Variants in MAP2K5 observed in about 807,000 individuals in gnomAD.
MAP2K5 encodes the protein dual specificity mitogen-activated protein kinase kinase 5.
In MAP2K5, 49 loss-of-function variants were observed where a neutral mutation model predicts 83.1. The observed-to-expected ratio is 0.59, with a 90% CI of 0.47 to 0.75. The LOEUF (loss-of-function observed/expected upper bound fraction) is 0.75, where lower values mean the gene tolerates loss of function less well. Among genes scored for constraint, MAP2K5 ranks in the 30% least tolerant of loss-of-function variants. The pLI is 0.00. For synonymous variants in MAP2K5, 202 were observed against 191.8 expected (o/e 1.05, Z -0.44); for missense variants, 457 against 557.5 (o/e 0.82, Z 1.82).
rs2089872479 is a variant in MAP2K5, at chr15:67,757,912, AGAG to A, written c.1134+9315_1134+9317del. The stretch of plus-strand genomic sequence containing the variant: ...GGCTACCAGGGAAGCTCTGCAGAGG[AGAG>A]GAGACTGAAGGATAGCCAATAAGAG... On this transcript the variant is annotated intron_variant, in intron 19 of 21. Coordinates refer to ENST00000178640, the MANE Select transcript of MAP2K5 (RefSeq NM_145160.3). The surrounding 1 kb of genome is among the most constrained non-coding windows in gnomAD (Gnocchi z 4.9). 6.6e-6 allele frequency among the ~76,000 whole-genome samples: 1 copy of A among 152,166 alleles called. No homozygotes were observed. Among genetic ancestry groups the A allele is most frequent in the African/African-American group, 2.4e-5 (1 of 41,432 alleles).
rs1195870702 is a variant in MAP2K5, at chr15:67,637,095, C to A, written c.585+6168C>A. 6.6e-6 allele frequency among the ~76,000 whole-genome samples: 1 copy of A among 152,148 alleles called. No homozygotes were observed. The highest frequency in any genetic ancestry group is 6.5e-5 in the Admixed American group (1 of 15,272). On this transcript the variant is annotated intron_variant, in intron 9 of 21. Coordinates refer to ENST00000178640, the MANE Select transcript of MAP2K5 (RefSeq NM_145160.3). This position sits in a 1 kb window ranked among gnomAD's most constrained non-coding sequence, Gnocchi z 4.5. ...ACCTACACCAGTGATTTGCCGGGGG[C>A]TTTCAGGCCTTCAGCTACAGACTGA...
chr15:67,709,657 A>T (rs2141223880), intron 16 of MAP2K5, among the ~76,000 whole-genome samples: 1 of 152,320 alleles, frequency 6.6e-6, no homozygotes, highest in Middle Eastern at 3.4e-3. Context: ...TTAAGGAGAA[A>T]GTCCCACTCT....
intron 21 of MAP2K5, among the ~76,000 whole-genome samples, chr15:67,784,766 C>A (rs550492482): frequency 6.6e-6 from 1 of 152,344 alleles, no homozygotes; most frequent in East Asian, 1.9e-4. Context: ...TGGTCACAAA[C>A]CTTTCTGCCT....
Position 67,774,514 on chromosome 15 carries a change from T to C in MAP2K5, c.1242+1762T>C, listed in dbSNP as rs1259823854. On this transcript the variant is annotated intron_variant, in intron 21 of 21. Transcript: ENST00000178640. The surrounding 1 kb of genome is among the most constrained non-coding windows in gnomAD (Gnocchi z 4.9). ...CAGAGAGTGAGCCCTGCCTGGACTT[T>C]GGGCAAAAGATTGGGCCCAATAGGG... 2.0e-5 allele frequency among the ~76,000 whole-genome samples: 3 copies of C among 152,102 alleles called. No homozygotes were observed. The highest frequency in any genetic ancestry group is 1.5e-5 in the Non-Finnish European group (1 of 68,002).
chr15:67,554,344 C>T (rs1312015095), intron 2 of MAP2K5, among the ~76,000 whole-genome samples: 1 of 152,152 alleles, frequency 6.6e-6, no homozygotes, highest in Non-Finnish European at 1.5e-5. Context: ...CAGGTGTGAG[C>T]CACCGCACCT....
At position 67,760,589 on chromosome 15, in the gene MAP2K5, A is replaced by AT. The variant is rs2089930513; in HGVS notation, c.1135-9007dup. ...TAGTAAGTCAATTAGATTTGTGGGG[A>AT]TTTTTTAACCAGGAAAAATTCTGCA... is the stretch of plus-strand genomic sequence containing the variant. On this transcript the variant is annotated intron_variant, in intron 19 of 21. Transcript: ENST00000178640. The surrounding 1 kb of genome is among the most constrained non-coding windows in gnomAD (Gnocchi z 4.1). Among the ~76,000 whole-genome samples the AT allele has an allele frequency of 6.6e-6, 1 of 152,236 alleles. No individual in the cohort carries two copies. The highest frequency in any genetic ancestry group is 2.1e-4 in the South Asian group (1 of 4,824).
chr15:67,585,355 C>G (rs2085267164), intron 4 of MAP2K5, among the ~76,000 whole-genome samples: 1 of 152,092 alleles, frequency 6.6e-6, no homozygotes, highest in South Asian at 2.1e-4. Context: ...TCAAGATTTG[C>G]AAGAAATGTA....
intron 4 of MAP2K5, 83 bp downstream of exon 4, chr15:67,580,906 C>T (rs2085167022): frequency 5.5e-6 from 5 of 901,610 alleles, no homozygotes; most frequent in Non-Finnish European, 9.2e-6. Flanking sequence ...GGTTTAAATG[C>T]ACATAACATG....
At chr15:67,662,371 C>T (rs925420482) in intron 12 of MAP2K5, among the ~76,000 whole-genome samples, 5 of 152,100 alleles carry the variant, frequency 3.3e-5, no homozygotes, top group Admixed American at 6.6e-5. Flanking sequence ...GATATGTAAA[C>T]GACTCATTTA....
chr15:67,690,829 C>T lies in MAP2K5; in HGVS notation c.848-1650C>T, dbSNP rs1037984012. Among the ~76,000 whole-genome samples the T allele has an allele frequency of 3.3e-5, 5 of 152,000 alleles. No homozygotes were observed. Among genetic ancestry groups the T allele is most frequent in the African/African-American group, 7.3e-5 (3 of 41,358 alleles). On this transcript the variant is annotated intron_variant, in intron 13 of 21. Transcript: ENST00000178640. The surrounding 1 kb of genome is among the most constrained non-coding windows in gnomAD (Gnocchi z 4.3). ...GATTACATGCGTGAGCCACTGCTCC[C>T]GGCCATGTATTAGTAAATTTAATGT...
rs1177945699 is a variant in MAP2K5, at chr15:67,636,008, T to C, written c.585+5081T>C. On this transcript the variant is annotated intron_variant, in intron 9 of 21. Coordinates refer to ENST00000178640, the MANE Select transcript of MAP2K5 (RefSeq NM_145160.3). The surrounding 1 kb of genome is among the most constrained non-coding windows in gnomAD (Gnocchi z 4.7). ...AAATAAAGATGGGGTTTTGCCACAT[T>C]GTCCAGGCTTGTCTTGAATTCATGG... 6.6e-6 allele frequency among the ~76,000 whole-genome samples: 1 copy of C among 152,202 alleles called. No homozygotes were observed. The highest frequency in any genetic ancestry group is 1.5e-5 in the Non-Finnish European group (1 of 68,028).
At chr15:67,554,847 A>G (rs569951757) in intron 2 of MAP2K5, among the ~76,000 whole-genome samples, 5 of 152,368 alleles carry the variant, frequency 3.3e-5, no homozygotes, top group African/African-American at 1.2e-4. Context: ...TAAAATGTAT[A>G]TGGTCTAAAT....
Position 67,775,268 on chromosome 15 carries a change from A to G in MAP2K5, c.1242+2516A>G, listed in dbSNP as rs540511808. On this transcript the variant is annotated intron_variant, in intron 21 of 21. Coordinates refer to ENST00000178640, the MANE Select transcript of MAP2K5 (RefSeq NM_145160.3). This position sits in a 1 kb window ranked among gnomAD's most constrained non-coding sequence, Gnocchi z 5.3. Reference sequence around the variant, plus strand: ...TGTTAGAACTCATTTAGTTGTTTAGATATTTTATCCCCTCTACTTTGTATG... The same window carrying G: ...TGTTAGAACTCATTTAGTTGTTTAGGTATTTTATCCCCTCTACTTTGTATG... Among the ~76,000 whole-genome samples the G allele has an allele frequency of 6.6e-6, 1 of 152,310 alleles. No homozygotes were observed. The highest frequency in any genetic ancestry group is 1.9e-4 in the East Asian group (1 of 5,194).
chr15:67,653,344 G>T (rs1204111772), intron 11 of MAP2K5, among the ~76,000 whole-genome samples: 2 of 151,182 alleles, frequency 1.3e-5, no homozygotes, highest in African/African-American at 2.4e-5. Flanking sequence ...AGAGTACAAT[G>T]GCACAATGTC....
chr15:67,679,653 A>G (rs1471189875), intron 13 of MAP2K5: 1 of 152,192 alleles, frequency 6.6e-6, no homozygotes, highest in Non-Finnish European at 1.5e-5. Flanking sequence ...TACCATTGAT[A>G]TATAGTATAT....
chr15:67,720,410 G>A lies in MAP2K5; in HGVS notation c.1045-7506G>A, dbSNP rs79088618. 5.9e-3 allele frequency among the ~76,000 whole-genome samples: 901 copies of A among 152,154 alleles called. 5 individuals carry two copies. The highest frequency in any genetic ancestry group is 0.013 in the Admixed American group (200 of 15,286). ...AAGAAAATGATGTAAGTGAAATAGC[G>A]TATGGGAGAGGAAGGAGAATTATGT... On this transcript the variant is annotated intron_variant, in intron 16 of 21. Transcript: ENST00000178640. This position sits in a 1 kb window ranked among gnomAD's most constrained non-coding sequence, Gnocchi z 5.7.
At chr15:67,669,624 G>A (rs1321757084) in intron 13 of MAP2K5, among the ~76,000 whole-genome samples, 1 of 152,140 alleles carries the variant, frequency 6.6e-6, no homozygotes, top group Admixed American at 6.6e-5. Context: ...TAGTTATAAA[G>A]ATGGGGAGAA....
intron 19 of MAP2K5, among the ~76,000 whole-genome samples, chr15:67,756,519 G>C (rs1016824814): frequency 2.2e-4 from 9 of 41,030 alleles, no homozygotes; most frequent in African/African-American, 1.1e-3. Flanking sequence ...CAGTTACTGT[G>C]TGTGTGTGTG....
chr15:67,716,764 A>AC (rs2088836095), intron 16 of MAP2K5, among the ~76,000 whole-genome samples: 1 of 152,132 alleles, frequency 6.6e-6, no homozygotes, highest in Admixed American at 6.5e-5. Context: ...CAAGCTCTTG[A>AC]CATCCTCTTG....
Sources: allele counts gnomAD v4.1 joint callset (sites outside exome capture counted in the v4.1 genomes callset), GRCh38; gene constraint gnomAD v4.1.1; non-coding constraint Gnocchi (gnomAD v3.1); transcripts MANE v1.5; gene names NCBI Gene and HGNC (gene_info 2026-07-23, HGNC 2026-07-21).